The following ZNF653 variants were observed in gnomAD, a reference collection of about 807,000 sequenced individuals.
ZNF653 encodes the protein 67 kDa zinc finger protein.
ZNF653 carries 37 observed loss-of-function variants against 59.9 expected under a neutral mutation model. That is an observed-to-expected ratio of 0.62 (90% CI 0.48 to 0.81). ZNF653 has a LOEUF of 0.81. ZNF653 is among the 40% of genes least tolerant of loss of function. ZNF653 has a pLI of 0.00. For missense variants in ZNF653, 808 were observed against 881.1 expected, an observed-to-expected ratio of 0.92 and a Z score of 1.05; for synonymous variants, 435 against 371.8, an observed-to-expected ratio of 1.17 and a Z score of -1.96.
At chr19:11,496,440 T>G (rs570135305) in intron 2 of ZNF653, among the ~76,000 whole-genome samples, 3 of 152,258 alleles carry the variant, frequency 2.0e-5, no homozygotes, top group African/African-American at 7.2e-5. Flanking sequence ...TTGTTAATTG[T>G]TCTCATCTTC....
chr19:11,497,240 GCTC>G (rs1355815278), intron 2 of ZNF653, among the ~76,000 whole-genome samples: 1 of 152,224 alleles, frequency 6.6e-6, no homozygotes, highest in African/African-American at 2.4e-5. Flanking sequence ...CAGAATGTCA[GCTC>G]CTCAAGAGCA....
Position 11,505,707 on chromosome 19 carries a change from CCCT to C in ZNF653, c.77_79del (p.Glu26del), listed in dbSNP as rs1487229584. On this transcript the variant is annotated inframe_deletion, in exon 1 of 9. Transcript: ENST00000293771. ...GCCCCGCGCCTTTCGGCCCGCTGCG[CCCT>C]CCTCGGCTGCTGCCTCCCCGCCCGC... 11 of 1,478,924 alleles carry C rather than the reference CCCT, an allele frequency of 7.4e-6. No individual in the cohort carries two copies. Among genetic ancestry groups the C allele is most frequent in the Non-Finnish European group, 9.8e-6 (11 of 1,124,212 alleles). 91.6% of individuals were successfully genotyped at this position (1,478,924 alleles called of 1,614,324 possible).
chr19:11,496,258 T>A, intron 2 of ZNF653, 93 bp from the exon 3 acceptor site: 1 of 1,318,822 alleles, frequency 7.6e-7, no homozygotes, highest in Non-Finnish European at 1.1e-6. Flanking sequence ...ATGGGTCCCA[T>A]GGGTTTGGAG....
At position 11,484,099 on chromosome 19, in the gene ZNF653, T is replaced by G. The variant is rs1298123067; in HGVS notation, c.1613A>C (p.Lys538Thr). Residue 538 changes from lysine (K) to threonine (T), a missense_variant, in exon 8 of 9, where the codon AAG becomes ACG. Lys to Thr is a moderately conservative substitution (Grantham distance 78). Transcript: ENST00000293771. ...FTCETCGKSF[K>T]RKNHLEVHRR... ...ATGTACCTCCAGGTGGTTCTTCCTC[T>G]TGAAGGACTTGCCGCAGGTCTCGCA... 6.4e-7 allele frequency: 1 copy of G among 1,558,022 alleles called. No homozygotes were observed. Among genetic ancestry groups the G allele is most frequent in the Non-Finnish European group, 8.7e-7 (1 of 1,150,772 alleles).
rs143786962 is a variant in ZNF653 at position 11,487,325 on chromosome 19, C to T, written c.1138G>A (p.Ala380Thr). Reference protein sequence around the residue: ...PEGSQPSTMDATAVAGIETKK... With the variant: ...PEGSQPSTMDTTAVAGIETKK... ...GTCTCGATGCCTGCTACTGCGGTGGCGTCCATGGTGCTAGGCTGGCTACCC... is the reference window on the plus strand; with the variant it reads ...GTCTCGATGCCTGCTACTGCGGTGGTGTCCATGGTGCTAGGCTGGCTACCC... Residue 380 changes from alanine (A) to threonine (T), a missense_variant, in exon 4 of 9, where the codon GCC becomes ACC. By Grantham distance (58) the Ala-to-Thr change is moderately conservative. Coordinates refer to ENST00000293771, the MANE Select transcript of ZNF653 (RefSeq NM_138783.4). The surrounding 1 kb of genome is among the most constrained non-coding windows in gnomAD (Gnocchi z 5.1). The T allele has an allele frequency of 5.0e-6, 8 of 1,613,566 alleles. No homozygotes were observed. The highest frequency in any genetic ancestry group is 2.2e-5 in the South Asian group (2 of 91,050).
chr19:11,488,533 G>A (rs551703861), intron 3 of ZNF653, among the ~76,000 whole-genome samples: 5 of 151,554 alleles, frequency 3.3e-5, no homozygotes, highest in Middle Eastern at 3.4e-3. Flanking sequence ...TCATCTGCCC[G>A]CCTCAGCCTC....
chr19:11,498,475 A>T, intron 1 of ZNF653, 136 bp from the exon 2 acceptor site: 1 of 1,223,290 alleles, frequency 8.2e-7, no homozygotes, highest in South Asian at 1.2e-5. Context: ...ATGGAGTCTC[A>T]CTGTGTTGCC....
chr19:11,502,764 T>C (rs1330159225), intron 1 of ZNF653, among the ~76,000 whole-genome samples: 2 of 152,220 alleles, frequency 1.3e-5, no homozygotes, highest in Non-Finnish European at 2.9e-5. Flanking sequence ...CCGGGCGCAG[T>C]GGCTCACACC....
In ZNF653 at chr19:11,495,809, T is replaced by G; in HGVS notation, c.559+141A>C. ...GCCACGAAGGACTCAGCCTGGCCCA[T>G]CGTGTCCCTGCTCTGCCCCAGTGCC... On this transcript the variant is annotated intron_variant, in intron 3 of 8. Transcript: ENST00000293771. This position sits in a 1 kb window ranked among gnomAD's most constrained non-coding sequence, Gnocchi z 4.9. The G allele has an allele frequency of 1.2e-6, 1 of 854,108 alleles. No homozygotes were observed. Among genetic ancestry groups the G allele is most frequent in the Non-Finnish European group, 1.8e-6 (1 of 554,466 alleles). The allele number at this position is 854,108 out of a possible 1,614,324, so 52.9% of individuals were successfully genotyped here. A position where few individuals can be genotyped will look rare whatever the true frequency, so the allele number is the denominator to read the frequency against.
At chr19:11,488,310 C>T (rs886446133) in intron 3 of ZNF653, among the ~76,000 whole-genome samples, 4 of 151,814 alleles carry the variant, frequency 2.6e-5, no homozygotes, top group African/African-American at 4.8e-5. Context: ...CCGCCATGCC[C>T]GGCTAATGTT....
Position 11,505,601 on chromosome 19 carries a change from C to T in ZNF653, c.186G>A (p.Leu62=), listed in dbSNP as rs1450016354. ...RKKYDVRRVY[L]GEAHGPWVDL... ...CCACCCAGGGCCCGTGCGCCTCGCC[C>T]AGGTACACGCGCCGCACGTCGTACT... Residue 62 remains leucine, a synonymous_variant, in exon 1 of 9, where the codon CTG becomes CTA. Transcript: ENST00000293771. 6.6e-7 allele frequency: 1 copy of T among 1,506,734 alleles called. No individual in the cohort carries two copies. The highest frequency in any genetic ancestry group is 2.1e-5 in the Admixed American group (1 of 47,210). The allele number at this position is 1,506,734 out of a possible 1,614,324, so 93.3% of individuals were successfully genotyped here.
intron 2 of ZNF653, among the ~76,000 whole-genome samples, chr19:11,497,255 G>T (rs1485359021): frequency 6.6e-6 from 1 of 152,354 alleles, no homozygotes; most frequent in Non-Finnish European, 1.5e-5. Flanking sequence ...TCAAGAGCAG[G>T]AACACTGCTG....
intron 1 of ZNF653, among the ~76,000 whole-genome samples, chr19:11,499,611 TA>T (rs764982889): frequency 0.034 from 3,832 of 112,950 alleles, 135 homozygotes; most frequent in African/African-American, 0.1. Flanking sequence ...TTTATACAAT[TA>T]AAAAAAAAAA....
At chr19:11,491,329 G>A (rs1260307929) in intron 3 of ZNF653, among the ~76,000 whole-genome samples, 1 of 152,162 alleles carries the variant, frequency 6.6e-6, no homozygotes, top group Non-Finnish European at 1.5e-5. Flanking sequence ...CTCCCCACCA[G>A]TAAGCCAGGA....
chr19:11,486,876 G>A lies in ZNF653; in HGVS notation c.1348C>T (p.Arg450Trp), dbSNP rs147416001. ...YEIPKEPEKR[R>W]RSKRSRVMDA... ...ATCACCCGCGACCGCTTGCTCCGCC[G>A]CCTCCTGGAGGGGAAGGGGCCATGA... Residue 450 changes from arginine (R) to tryptophan (W), a missense_variant, in exon 6 of 9, where the codon CGG becomes TGG. Coordinates refer to ENST00000293771, the MANE Select transcript of ZNF653 (RefSeq NM_138783.4). The A allele has an allele frequency of 3.2e-5, 51 of 1,610,540 alleles. 1 individual carries two copies. The highest frequency in any genetic ancestry group is 1.9e-4 in the South Asian group (17 of 90,618).
intron 1 of ZNF653, among the ~76,000 whole-genome samples, chr19:11,501,683 C>T (rs624899): frequency 0.22 from 34,233 of 152,192 alleles, 8,776 homozygotes; most frequent in African/African-American, 0.63. Context: ...GGTGCTGCCA[C>T]TGCCCAGTGC....
chr19:11,494,690 G>A (rs2144944056), intron 3 of ZNF653, among the ~76,000 whole-genome samples: 1 of 152,238 alleles, frequency 6.6e-6, no homozygotes, highest in South Asian at 2.1e-4. Flanking sequence ...CCCTGTCTCA[G>A]ATAAATAAAT....
chr19:11,503,213 T>TC (rs982970691), intron 1 of ZNF653, among the ~76,000 whole-genome samples: 4 of 152,090 alleles, frequency 2.6e-5, no homozygotes, highest in African/African-American at 9.7e-5. Flanking sequence ...TCTTCCCTTC[T>TC]CCCCCTCACT....
At chr19:11,484,406 A>G (rs541183262) in intron 7 of ZNF653, among the ~76,000 whole-genome samples, 2 of 151,972 alleles carry the variant, frequency 1.3e-5, no homozygotes, top group South Asian at 2.1e-4. Context: ...GTGTGTGTGT[A>G]TATATATATT....
Sources: allele counts gnomAD v4.1 joint callset (sites outside exome capture counted in the v4.1 genomes callset), GRCh38; gene constraint gnomAD v4.1.1; non-coding constraint Gnocchi (gnomAD v3.1); transcripts MANE v1.5; gene names NCBI Gene and HGNC (gene_info 2026-07-23, HGNC 2026-07-21).